MCF2: variants seen among roughly 807,000 people sequenced by gnomAD.
The protein encoded by MCF2 is MCF.2 cell line derived transforming sequence.
In MCF2, 44 loss-of-function variants were observed where a neutral mutation model predicts 82.5. That is an observed-to-expected ratio of 0.53 (90% CI 0.42 to 0.69). The LOEUF (loss-of-function observed/expected upper bound fraction) is 0.69. Among genes scored for constraint, MCF2 ranks in the 30% least tolerant of loss-of-function variants. The pLI, the probability that MCF2 is intolerant of heterozygous loss-of-function variation, is 0.00. For synonymous variants in MCF2, 217 were observed against 224.9 expected, an observed-to-expected ratio of 0.96 and a Z score of 0.32; for missense variants, 623 against 663.1, an observed-to-expected ratio of 0.94 and a Z score of 0.66.
At chrX:139,600,044 T>C (rs1930420506) in intron 16 of MCF2, among the ~76,000 whole-genome samples, 2 of 111,677 alleles carry the variant, frequency 1.8e-5, no homozygotes, top group Admixed American at 1.9e-4. Context: ...TTATGCTAAA[T>C]GAAAGAAAGA....
intron 1 of MCF2, among the ~76,000 whole-genome samples, chrX:139,655,146 C>T (rs1017807968): frequency 1.9e-4 from 21 of 111,493 alleles, no homozygotes; most frequent in African/African-American, 6.5e-4. Context: ...GTTCTGTATA[C>T]GTTATTAGAA....
At chrX:139,617,277 A>G in intron 8 of MCF2, among the ~76,000 whole-genome samples, 1 of 111,832 alleles carries the variant, frequency 8.9e-6, no homozygotes. Context: ...AATTTGAACT[A>G]TATTGGATCT....
chrX:139,698,523 G>A (rs1488923992), intron 1 of MCF2, among the ~76,000 whole-genome samples: 2 of 112,038 alleles, frequency 1.8e-5, no homozygotes, highest in Non-Finnish European at 3.8e-5. Flanking sequence ...AATTGGGACT[G>A]AAGACTGCCA....
At chrX:139,695,221 G>T (rs1192987140) in intron 1 of MCF2, among the ~76,000 whole-genome samples, 1 of 109,758 alleles carries the variant, frequency 9.1e-6, no homozygotes, top group Non-Finnish European at 1.9e-5. Flanking sequence ...GTAGAGATGG[G>T]GTTTTGCCAT....
intron 17 of MCF2, among the ~76,000 whole-genome samples, chrX:139,597,896 A>G (rs17342365): frequency 0.022 from 2,439 of 111,599 alleles, 106 homozygotes; most frequent in East Asian, 0.17. Flanking sequence ...TCCTCTACAT[A>G]CAGTAATTTG....
intron 1 of MCF2, among the ~76,000 whole-genome samples, chrX:139,706,489 T>C (rs1342673100): frequency 9.0e-6 from 1 of 111,449 alleles, no homozygotes; most frequent in Non-Finnish European, 1.9e-5. Flanking sequence ...CATGTTCTCA[T>C]TTATGAAGGG....
chrX:139,639,431 T>A (rs1260187354), intron 1 of MCF2, among the ~76,000 whole-genome samples: 1 of 111,599 alleles, frequency 9.0e-6, no homozygotes, highest in African/African-American at 3.3e-5. Context: ...GCCTATCACA[T>A]AGGACTCGGA....
chrX:139,657,237 CAA>C (rs1211815761), intron 1 of MCF2, among the ~76,000 whole-genome samples: 1 of 112,006 alleles, frequency 8.9e-6, no homozygotes, highest in East Asian at 2.8e-4. Flanking sequence ...GATCAAAAAG[CAA>C]AAGAGTCAAG....
intron 1 of MCF2, among the ~76,000 whole-genome samples, chrX:139,676,908 C>G (rs1934879873): frequency 9.0e-6 from 1 of 111,390 alleles, no homozygotes. Flanking sequence ...AGGCAACCAA[C>G]AGGTGATGAT....
chrX:139,596,511 C>T (rs1218981250), intron 19 of MCF2, 38 bp downstream of exon 23: 3 of 1,084,371 alleles, frequency 2.8e-6, no homozygotes, highest in East Asian at 3.0e-5. Flanking sequence ...CACACACACA[C>T]GAAACAATAC....
chrX:139,589,054 T>C (rs763884815), intron 20 of MCF2, among the ~76,000 whole-genome samples: 1 of 111,889 alleles, frequency 8.9e-6, no homozygotes, highest in Admixed American at 9.5e-5. Flanking sequence ...ATATAACATT[T>C]TGATGTTTAA....
At chrX:139,621,579 T>C (rs901903019) in intron 6 of MCF2, among the ~76,000 whole-genome samples, 1 of 111,406 alleles carries the variant, frequency 9.0e-6, no homozygotes, top group Non-Finnish European at 1.9e-5. Context: ...ATGCCGCATA[T>C]CTACAACCAT....
chrX:139,598,326 A>G, intron 17 of MCF2, 80 bp downstream of exon 21: 1 of 642,180 alleles, frequency 1.6e-6, no homozygotes, highest in Non-Finnish European at 2.4e-6. Context: ...AGTGCTTCCT[A>G]GTAAACTATT....
chrX:139,619,370 T>C (rs749080174), intron 7 of MCF2, among the ~76,000 whole-genome samples: 130 of 110,486 alleles, frequency 1.2e-3, no homozygotes, highest in African/African-American at 4.1e-3. Context: ...AGGCTACAAA[T>C]AGGGTGCAGT....
At chrX:139,594,357 G>A (rs1929836818) in intron 19 of MCF2, among the ~76,000 whole-genome samples, 1 of 111,469 alleles carries the variant, frequency 9.0e-6, no homozygotes, top group South Asian at 3.8e-4. Context: ...AAAACAGCAT[G>A]GTACTGGTGC....
At chrX:139,614,896 A>G (rs1931778098) in exon 10 of MCF2, 1 of 1,204,366 alleles carries the variant, frequency 8.3e-7, no homozygotes, top group Admixed American at 2.2e-5. Context: ...TTAGATGAAA[A>G]AAATGGTGTC....
At chrX:139,645,484 A>G (rs751882520), upstream of MCF2, 1 of 527,109 alleles carries the variant, frequency 1.9e-6, no homozygotes, top group East Asian at 3.8e-5. Flanking sequence ...CTCCGTCAGT[A>G]CCAAAGTAAT....
chrX:139,588,046 G>C (rs773911224), intron 21 of MCF2, among the ~76,000 whole-genome samples: 2 of 111,299 alleles, frequency 1.8e-5, no homozygotes, highest in Non-Finnish European at 3.8e-5. Flanking sequence ...CATCATTATA[G>C]AGCAATGATT....
At chrX:139,622,831 T>A (rs1449971053) in intron 6 of MCF2, among the ~76,000 whole-genome samples, 1 of 109,715 alleles carries the variant, frequency 9.1e-6, no homozygotes, top group Non-Finnish European at 1.9e-5. Context: ...TGTATACATA[T>A]GTAACGAACC....
Sources: allele counts gnomAD v4.1 joint callset (sites outside exome capture counted in the v4.1 genomes callset), GRCh38; gene constraint gnomAD v4.1.1; transcripts MANE v1.5; gene names NCBI Gene and HGNC (gene_info 2026-07-23, HGNC 2026-07-21).